The following MAP4K5 variants were observed in gnomAD, a reference collection of about 807,000 sequenced individuals.
The protein encoded by MAP4K5 is mitogen-activated protein kinase kinase kinase kinase 5.
Under a neutral mutation model 135.6 loss-of-function variants are expected in MAP4K5, and 82 were observed. The ratio of observed to expected loss-of-function variants is 0.60; its 90% CI spans 0.51 to 0.73. MAP4K5 has a LOEUF of 0.73. Among genes scored for constraint, MAP4K5 ranks in the 30% least tolerant of loss-of-function variants. The pLI, the probability that MAP4K5 is intolerant of heterozygous loss-of-function variation, is 0.00. For synonymous variants in MAP4K5, 347 were observed against 335.0 expected (o/e 1.04, Z -0.39); for missense variants, 907 against 1,010.9 (o/e 0.90, Z 1.39).
intron 1 of MAP4K5, 32 bp from the exon 2 acceptor site, chr14:50,532,190 G>T: frequency 1.6e-6 from 1 of 608,180 alleles, no homozygotes; most frequent in Non-Finnish European, 2.8e-6. Context: ...GCTGGTTGGC[G>T]TCGCAGGCTA....
chr14:50,472,606 G>C (rs1396823585), intron 9 of MAP4K5: 1 of 152,116 alleles, frequency 6.6e-6, no homozygotes, highest in Non-Finnish European at 1.5e-5. Flanking sequence ...AATGTCCTCA[G>C]TGTTTCCAGT....
Position 50,489,894 on chromosome 14 carries a change from C to T in MAP4K5, c.167-3700G>A, listed in dbSNP as rs375164341. On this transcript the variant is annotated intron_variant, in intron 3 of 32. Transcript: ENST00000682126. ...ATTCCTAGAGATGTCCTACTGGAAA[C>T]CTGGCTGCTGAGTACATCCTTACAC... is the stretch of plus-strand genomic sequence containing the variant. Among the ~76,000 whole-genome samples, 6 of 152,246 alleles carry T rather than the reference C, an allele frequency of 3.9e-5. No homozygotes were observed. In the South Asian group the frequency reaches 1.0e-3, roughly 26 times the overall value.
At chr14:50,505,892 T>C (rs1434630557) in intron 2 of MAP4K5, among the ~76,000 whole-genome samples, 1 of 151,490 alleles carries the variant, frequency 6.6e-6, no homozygotes, top group Non-Finnish European at 1.5e-5. Flanking sequence ...TTTAAATGGA[T>C]TCTAAGATAC....
chr14:50,477,646 T>C (rs2037132120), intron 6 of MAP4K5, among the ~76,000 whole-genome samples: 1 of 152,158 alleles, frequency 6.6e-6, no homozygotes, highest in African/African-American at 2.4e-5. Context: ...ACCAAGTTCC[T>C]TTCTATTCCT....
chr14:50,454,156 G>A (rs1298130201), intron 14 of MAP4K5, among the ~76,000 whole-genome samples: 1 of 152,152 alleles, frequency 6.6e-6, no homozygotes, highest in African/African-American at 2.4e-5. Context: ...AAAGAAGCCA[G>A]GAACAAAAGT....
intron 21 of MAP4K5, among the ~76,000 whole-genome samples, chr14:50,441,208 T>C (rs2036218578): frequency 6.6e-6 from 1 of 152,164 alleles, no homozygotes; most frequent in Admixed American, 6.5e-5. Context: ...AAATTCTGAA[T>C]GGCAATAGTA....
At chr14:50,443,663 G>T in intron 20 of MAP4K5, 66 bp downstream of exon 20, 1 of 1,292,748 alleles carries the variant, frequency 7.7e-7, no homozygotes, top group Non-Finnish European at 1.1e-6. Flanking sequence ...TATATTGATA[G>T]CCAATATATT....
At chr14:50,529,300 T>C (rs911495103) in intron 2 of MAP4K5, among the ~76,000 whole-genome samples, 7 of 152,108 alleles carry the variant, frequency 4.6e-5, no homozygotes, top group African/African-American at 1.7e-4. Context: ...GGTGGGAGGA[T>C]CACTTCAGCC....
At chr14:50,531,214 T>A (rs1404884789) in intron 2 of MAP4K5, among the ~76,000 whole-genome samples, 1 of 152,194 alleles carries the variant, frequency 6.6e-6, no homozygotes, top group African/African-American at 2.4e-5. Flanking sequence ...TTTTTTAAAA[T>A]CCTAAATTAG....
chr14:50,520,692 CATAAAT>C (rs999441283), intron 2 of MAP4K5, among the ~76,000 whole-genome samples: 82 of 152,112 alleles, frequency 5.4e-4, no homozygotes, highest in African/African-American at 1.9e-3. Flanking sequence ...TAACAATAAA[CATAAAT>C]ATAAAGTTCC....
intron 2 of MAP4K5, among the ~76,000 whole-genome samples, chr14:50,507,758 T>G (rs1249543509): frequency 6.6e-6 from 1 of 152,188 alleles, no homozygotes; most frequent in Non-Finnish European, 1.5e-5. Flanking sequence ...GAGGAGTGCT[T>G]TATTTCCAAC....
At chr14:50,497,181 G>C (rs769713295) in intron 3 of MAP4K5, among the ~76,000 whole-genome samples, 10 of 151,580 alleles carry the variant, frequency 6.6e-5, no homozygotes, top group Non-Finnish European at 1.2e-4. Flanking sequence ...GCAATCTTGT[G>C]AATATGGTTG....
chr14:50,474,635 A>G (rs2037055457), intron 9 of MAP4K5, among the ~76,000 whole-genome samples: 1 of 152,156 alleles, frequency 6.6e-6, no homozygotes, highest in Non-Finnish European at 1.5e-5. Flanking sequence ...GAAGAATCCT[A>G]GATTAAACTT....
At chr14:50,506,178 T>C (rs2037805606) in intron 2 of MAP4K5, among the ~76,000 whole-genome samples, 1 of 151,876 alleles carries the variant, frequency 6.6e-6, no homozygotes. Context: ...ATAAATCAAA[T>C]TTTCTGAGGA....
chr14:50,525,117 A>G (rs890940272), intron 2 of MAP4K5, among the ~76,000 whole-genome samples: 2 of 152,272 alleles, frequency 1.3e-5, no homozygotes, highest in Non-Finnish European at 2.9e-5. Flanking sequence ...ACCACCCCAT[A>G]AAGTGATGAT....
chr14:50,431,822 C>T lies in MAP4K5; in HGVS notation c.2165-2562G>A, dbSNP rs180709458. On this transcript the variant is annotated intron_variant, in intron 28 of 32. Transcript: ENST00000682126. ...TTGTAGTTCTAGATCCCTGAGGAAT[C>T]GCCACACTGACTTCCACAATGGTTG... 5.2e-3 allele frequency among the ~76,000 whole-genome samples: 798 copies of T among 152,218 alleles called. 10 individuals carry two copies. Among genetic ancestry groups the T allele is most frequent in the African/African-American group, 0.018 (739 of 41,526 alleles).
intron 31 of MAP4K5, among the ~76,000 whole-genome samples, chr14:50,424,633 C>A (rs1356538532): frequency 6.6e-6 from 1 of 151,088 alleles, no homozygotes; most frequent in East Asian, 1.9e-4. Context: ...TCGCTTGAAC[C>A]CAGGAGGTGG....
In MAP4K5 at chr14:50,554,393, T is replaced by C. The variant is rs796167694; in HGVS notation, c.-180+6647A>G. The stretch of plus-strand genomic sequence containing the variant: ...AGATGTGGCTTGTACGCACAAGCCA[T>C]GGCTATACTTTATAGGTCTGTATAG... On this transcript the variant is annotated intron_variant, in intron 1 of 8. Transcript: ENST00000555216. Among the ~76,000 whole-genome samples, 14 of 152,334 alleles carry C rather than the reference T, an allele frequency of 9.2e-5. 1 individual carries two copies. The highest frequency in any genetic ancestry group is 3.1e-4 in the African/African-American group (13 of 41,578).
At chr14:50,503,599 ACTATAATATTAGGTTGGCAAAAACTG>A (rs1270393860) in intron 3 of MAP4K5, among the ~76,000 whole-genome samples, 4 of 152,146 alleles carry the variant, frequency 2.6e-5, no homozygotes, top group African/African-American at 4.8e-5. Flanking sequence ...ATTATAATGA[ACTATAATATTAGGTTGGCAAAAACTG>A]CTATAATATT....
Sources: allele counts gnomAD v4.1 joint callset (sites outside exome capture counted in the v4.1 genomes callset), GRCh38; gene constraint gnomAD v4.1.1; transcripts MANE v1.5; gene names NCBI Gene and HGNC (gene_info 2026-07-23, HGNC 2026-07-21).